Variants in LRRC17 observed in about 807,000 individuals in gnomAD.
LRRC17 encodes leucine-rich repeat-containing protein 17.
In LRRC17, 33 loss-of-function variants were observed where a neutral mutation model predicts 41.5. The ratio of observed to expected loss-of-function variants is 0.80; its 90% CI spans 0.60 to 1.06. LRRC17 has a LOEUF of 1.06. Ranked by LOEUF, LRRC17 falls within the 50% of genes least tolerant of loss-of-function variation. The pLI is 0.00. For synonymous variants in LRRC17, 192 were observed against 197.0 expected (o/e 0.97, Z 0.21); for missense variants, 491 against 519.3 (o/e 0.95, Z 0.53).
At chr7:102,929,975 A>C (rs1584993374) in intron 1 of LRRC17, among the ~76,000 whole-genome samples, 1 of 152,274 alleles carries the variant, frequency 6.6e-6, no homozygotes, top group South Asian at 2.1e-4. Context: ...ACCCGATAGC[A>C]TTGAAGAGTG....
chr7:102,915,295 A>G (rs1031761406), intron 1 of LRRC17, among the ~76,000 whole-genome samples: 21 of 152,036 alleles, frequency 1.4e-4, no homozygotes, highest in Non-Finnish European at 2.9e-5. Context: ...GATTTTAACA[A>G]TCAAAATCGG....
chr7:102,924,094 C>T (rs957045788), intron 1 of LRRC17, among the ~76,000 whole-genome samples: 5 of 151,890 alleles, frequency 3.3e-5, no homozygotes, highest in South Asian at 2.1e-4. Flanking sequence ...CAAAATTAGC[C>T]GGGTGTGGTG....
chr7:102,918,924 A>G (rs1816451735), intron 1 of LRRC17, among the ~76,000 whole-genome samples: 2 of 152,170 alleles, frequency 1.3e-5, no homozygotes, highest in Admixed American at 1.3e-4. Context: ...ATATACACAC[A>G]CACTTATATA....
intron 1 of LRRC17, among the ~76,000 whole-genome samples, chr7:102,929,788 G>C (rs1344968853): frequency 6.6e-6 from 1 of 152,106 alleles, no homozygotes; most frequent in Non-Finnish European, 1.5e-5. Flanking sequence ...GGTTCTGTTA[G>C]GGGTGAGGGA....
At chr7:102,923,989 C>T (rs1374806177) in intron 1 of LRRC17, among the ~76,000 whole-genome samples, 2 of 152,044 alleles carry the variant, frequency 1.3e-5, no homozygotes, top group African/African-American at 4.8e-5. Context: ...CTTGTAATCC[C>T]AGCACTTTGG....
intron 1 of LRRC17, 62 bp from the exon 2 acceptor site, chr7:102,933,712 T>C (rs1437449329): frequency 4.4e-6 from 2 of 450,702 alleles, no homozygotes; most frequent in Non-Finnish European, 7.7e-6. Context: ...TGTTCTTATC[T>C]GTCAGTAATA....
chr7:102,933,796 G>A lies in LRRC17; in HGVS notation c.-118G>A. 1.8e-6 allele frequency: 2 copies of A among 1,102,898 alleles called. No individual in the cohort carries two copies. Among genetic ancestry groups the A allele is most frequent in the Middle Eastern group, 3.0e-4 (1 of 3,296 alleles). The allele number at this position is 1,102,898 out of a possible 1,614,324, so 68.3% of individuals were successfully genotyped here. A position where few individuals can be genotyped will look rare whatever the true frequency, so the allele number is the denominator to read the frequency against. On this transcript the variant is annotated 5_prime_UTR_variant, in exon 2 of 4. Coordinates refer to ENST00000339431, the MANE Select transcript of LRRC17 (RefSeq NM_001031692.3). ...CAGCCTAGGGACTCCACGTACCCCA[G>A]CTGGGTCTCATTGTTCCAGAACTGC...
intron 1 of LRRC17, among the ~76,000 whole-genome samples, chr7:102,918,017 A>G (rs189886356): frequency 1.3e-5 from 2 of 152,358 alleles, no homozygotes; most frequent in African/African-American, 4.8e-5. Flanking sequence ...CATTGTTGCC[A>G]AGGACAAACA....
intron 1 of LRRC17, among the ~76,000 whole-genome samples, chr7:102,927,625 A>G (rs1818374295): frequency 6.6e-6 from 1 of 152,196 alleles, no homozygotes; most frequent in African/African-American, 2.4e-5. Context: ...TTCTATTTGA[A>G]GCTGTAAATC....
At chr7:102,933,034 T>C (rs938038833) in intron 1 of LRRC17, 1 of 152,184 alleles carries the variant, frequency 6.6e-6, no homozygotes, top group Admixed American at 6.5e-5. Flanking sequence ...ACAAAAGAAG[T>C]TAAATACCAT....
At chr7:102,925,231 A>C (rs1174775023) in intron 1 of LRRC17, among the ~76,000 whole-genome samples, 1 of 151,284 alleles carries the variant, frequency 6.6e-6, no homozygotes, top group East Asian at 2.0e-4. Flanking sequence ...CCATCTCTAC[A>C]GAAAAATACA....
intron 2 of LRRC17, 53 bp from the exon 3 acceptor site, chr7:102,939,377 A>T (rs1476267522): frequency 1.7e-5 from 25 of 1,484,248 alleles, no homozygotes; most frequent in Non-Finnish European, 1.8e-6. Flanking sequence ...ACGGTGACCG[A>T]GGAAATGGGG....
chr7:102,914,947 CT>C (rs1220800815), intron 1 of LRRC17, among the ~76,000 whole-genome samples: 4 of 152,020 alleles, frequency 2.6e-5, no homozygotes, highest in Non-Finnish European at 5.9e-5. Flanking sequence ...TCTAGCAATC[CT>C]TTAGCTTTAT....
At chr7:102,938,399 A>G (rs1428732037) in intron 2 of LRRC17, among the ~76,000 whole-genome samples, 3 of 152,336 alleles carry the variant, frequency 2.0e-5, no homozygotes, top group East Asian at 3.9e-4. Flanking sequence ...TCTTACTGCT[A>G]CAAGCTTTCA....
chr7:102,923,469 A>T (rs1817487277), intron 1 of LRRC17, among the ~76,000 whole-genome samples: 1 of 152,216 alleles, frequency 6.6e-6, no homozygotes. Flanking sequence ...AAGAACACAG[A>T]TAAAGTAACA....
chr7:102,923,203 A>T (rs1817426552), intron 1 of LRRC17, among the ~76,000 whole-genome samples: 1 of 152,308 alleles, frequency 6.6e-6, no homozygotes, highest in South Asian at 2.1e-4. Flanking sequence ...CTATTTCACA[A>T]TGTCGTGGCT....
At chr7:102,926,412 T>C (rs1818148122) in intron 1 of LRRC17, 2 of 1,520,524 alleles carry the variant, frequency 1.3e-6, no homozygotes, top group Non-Finnish European at 9.0e-7. Flanking sequence ...TATCAAATTA[T>C]AGCAGGCTTT....
At chr7:102,924,337 G>A (rs1159347385) in intron 1 of LRRC17, among the ~76,000 whole-genome samples, 2 of 151,776 alleles carry the variant, frequency 1.3e-5, no homozygotes, top group African/African-American at 4.8e-5. Flanking sequence ...CCCTGATTTA[G>A]ATCATCACTT....
rs1486356621 is a variant in LRRC17 at position 102,934,555 on chromosome 7, AG to A, written c.643del (p.Glu215LysfsTer45). On this transcript the variant is annotated frameshift_variant, in exon 2 of 4. Coordinates refer to ENST00000339431, the MANE Select transcript of LRRC17 (RefSeq NM_001031692.3). LOFTEE classifies it high-confidence loss of function. ...TAAAATCTGAACAGTTGTGTAATGA[AG>A]AAGAAAAGGAACAATTGGACCCGAA... ...QIKSEQLCNE[E>X]EKEQLDPKPQ... 21 of 84,238 alleles carry A rather than the reference AG, an allele frequency of 2.5e-4. No homozygotes were observed. The highest frequency in any genetic ancestry group is 4.8e-4 in the Non-Finnish European group (17 of 35,734). The allele number at this position is 84,238 out of a possible 1,614,324, so 5.2% of individuals were successfully genotyped here.
Sources: allele counts gnomAD v4.1 joint callset (sites outside exome capture counted in the v4.1 genomes callset), GRCh38; gene constraint gnomAD v4.1.1; transcripts MANE v1.5; gene names NCBI Gene and HGNC (gene_info 2026-07-23, HGNC 2026-07-21).